The following CALN1 variants were observed in gnomAD, a reference collection of about 807,000 sequenced individuals.
CALN1 encodes calneuron 1, also known as calcium-binding protein 8.
A neutral mutation model predicts 30.6 loss-of-function variants in CALN1; 17 were observed. The observed-to-expected ratio is 0.56, with a 90% CI of 0.38 to 0.83. The LOEUF (loss-of-function observed/expected upper bound fraction) is 0.83. Among genes scored for constraint, CALN1 ranks in the 40% least tolerant of loss-of-function variants. The probability of loss-of-function intolerance (pLI) is 0.00; values close to 1 mark genes in which losing one functional copy is unlikely to be tolerated. For missense variants in CALN1, 291 were observed against 354.9 expected (o/e 0.82, Z 1.45); for synonymous variants, 156 against 131.4 (o/e 1.19, Z -1.28).
chr7:72,010,064 T>G (rs1799985045), intron 5 of CALN1, among the ~76,000 whole-genome samples: 1 of 152,186 alleles, frequency 6.6e-6, no homozygotes, highest in African/African-American at 2.4e-5. Context: ...TGCTGCAATT[T>G]GTAGACAAAG....
intron 5 of CALN1, among the ~76,000 whole-genome samples, chr7:71,968,173 G>A (rs1010572219): frequency 1.3e-5 from 2 of 152,092 alleles, no homozygotes; most frequent in Non-Finnish European, 1.5e-5. Flanking sequence ...TGCACAGAGT[G>A]TAAGCTATGG....
At position 72,393,522 on chromosome 7, in the gene CALN1, T is replaced by C. The variant is rs532293780; in HGVS notation, c.119+9729A>G. Among the ~76,000 whole-genome samples, 12 of 152,276 alleles carry C rather than the reference T, an allele frequency of 7.9e-5. No homozygotes were observed. The East Asian group carries it at 2.3e-3, about 29-fold the overall frequency. On this transcript the variant is annotated intron_variant, in intron 2 of 6. Coordinates refer to ENST00000395275, the MANE Select transcript of CALN1 (RefSeq NM_031468.4). ...ACACCATAACATATGAAGTATGTTT[T>C]TAACAGTACAATGTCTTAAACTACC... is the stretch of plus-strand genomic sequence containing the variant.
intron 1 of CALN1, among the ~76,000 whole-genome samples, chr7:72,418,623 C>A (rs1386295442): frequency 6.6e-6 from 1 of 152,016 alleles, no homozygotes; most frequent in African/African-American, 2.4e-5. Flanking sequence ...CTTCCCCGCC[C>A]CGGCTCACAT....
chr7:72,336,908 G>T, intron 2 of CALN1: 2 of 984,078 alleles, frequency 2.0e-6, no homozygotes, highest in Non-Finnish European at 2.4e-6. Context: ...GGCGCCCCCG[G>T]GCCGCTCCCC....
At chr7:72,218,874 C>T (rs1180883781) in intron 3 of CALN1, among the ~76,000 whole-genome samples, 1 of 152,156 alleles carries the variant, frequency 6.6e-6, no homozygotes, top group Non-Finnish European at 1.5e-5. Flanking sequence ...CCTAGGCTAT[C>T]TTCATCTAAT....
At chr7:72,343,476 A>G (rs1353539213) in intron 2 of CALN1, among the ~76,000 whole-genome samples, 1 of 151,828 alleles carries the variant, frequency 6.6e-6, no homozygotes, top group Non-Finnish European at 1.5e-5. Flanking sequence ...TGAACCCAGG[A>G]GGCAGAGGTT....
intron 2 of CALN1, among the ~76,000 whole-genome samples, chr7:72,399,676 G>C (rs916360813): frequency 6.6e-6 from 1 of 152,120 alleles, no homozygotes; most frequent in Non-Finnish European, 1.5e-5. Flanking sequence ...TACTTTCCCA[G>C]CACTTCATGG....
intron 5 of CALN1, among the ~76,000 whole-genome samples, chr7:71,840,565 G>A (rs1455226138): frequency 6.6e-6 from 1 of 151,586 alleles, no homozygotes; most frequent in East Asian, 1.9e-4. Context: ...GGCCAAGTGT[G>A]TGGAAGAAAT....
intron 4 of CALN1, among the ~76,000 whole-genome samples, chr7:72,028,054 G>A (rs555443359): frequency 2.0e-4 from 18 of 90,194 alleles, no homozygotes; most frequent in Middle Eastern, 0.015. Flanking sequence ...GCGAGACTCC[G>A]TCTCAAAAAA....
At chr7:71,790,728 G>C (rs548284307) in intron 6 of CALN1, among the ~76,000 whole-genome samples, 3 of 152,322 alleles carry the variant, frequency 2.0e-5, no homozygotes, top group East Asian at 1.9e-4. Context: ...CAGAATTACT[G>C]AATCAGACCT....
intron 3 of CALN1, among the ~76,000 whole-genome samples, chr7:72,225,556 C>A (rs1432129494): frequency 1.3e-5 from 2 of 151,970 alleles, no homozygotes; most frequent in Non-Finnish European, 2.9e-5. Context: ...AAAGATCACA[C>A]ACAGCTCGGT....
At chr7:71,929,311 G>A (rs1439817264) in intron 5 of CALN1, among the ~76,000 whole-genome samples, 2 of 152,098 alleles carry the variant, frequency 1.3e-5, no homozygotes, top group Non-Finnish European at 2.9e-5. Context: ...GCCCCAGTGT[G>A]TGTTGCTCCC....
intron 5 of CALN1, among the ~76,000 whole-genome samples, chr7:71,961,511 C>T (rs760184549): frequency 7.2e-5 from 11 of 152,138 alleles, no homozygotes; most frequent in Admixed American, 2.6e-4. Flanking sequence ...TAATAGATTA[C>T]GTTCACTTGT....
At chr7:71,971,915 A>C (rs1797820974) in intron 5 of CALN1, among the ~76,000 whole-genome samples, 1 of 124,594 alleles carries the variant, frequency 8.0e-6, no homozygotes, top group African/African-American at 3.0e-5. Context: ...TGAGCAACAG[A>C]GTGGGACCCT....
intron 5 of CALN1, among the ~76,000 whole-genome samples, chr7:71,861,300 C>T (rs138113564): frequency 2.7e-4 from 41 of 152,226 alleles, no homozygotes; most frequent in Middle Eastern, 6.8e-3. Flanking sequence ...GAGACACCTT[C>T]CCTGACTTCA....
chr7:72,002,417 A>G (rs1200907763), intron 5 of CALN1, among the ~76,000 whole-genome samples: 1 of 152,196 alleles, frequency 6.6e-6, no homozygotes, highest in Non-Finnish European at 1.5e-5. Flanking sequence ...GAAAGTTAAA[A>G]AGCAAAGCAG....
At chr7:72,019,135 G>C (rs1800568583) in intron 5 of CALN1, among the ~76,000 whole-genome samples, 1 of 151,880 alleles carries the variant, frequency 6.6e-6, no homozygotes, top group African/African-American at 2.4e-5. Context: ...ATAGGCATAA[G>C]CCACCCTGTC....
At chr7:72,485,096 T>G in the CALN1 span, among the ~76,000 whole-genome samples, 1 of 150,180 alleles carries the variant, frequency 6.7e-6, no homozygotes, top group African/African-American at 2.4e-5. Flanking sequence ...CAAAAAAAAA[T>G]TTTTTTTAAT....
At chr7:72,338,896 CTAACT>C (rs1802253986) in intron 2 of CALN1, among the ~76,000 whole-genome samples, 1 of 151,220 alleles carries the variant, frequency 6.6e-6, no homozygotes, top group Non-Finnish European at 1.5e-5. Context: ...CTTATTCATT[CTAACT>C]TGTTTTTTTT....
Sources: gnomAD v4.1 joint callset for allele counts (sites outside exome capture counted in the v4.1 genomes callset) on GRCh38, gnomAD v4.1.1 for gene constraint, MANE v1.5 for transcripts, NCBI Gene and HGNC (gene_info 2026-07-23, HGNC 2026-07-21) for gene names.